Variants in RGS6 observed in about 807,000 individuals in gnomAD.
RGS6 encodes regulator of G protein signaling 6.
A neutral mutation model predicts 78.5 loss-of-function variants in RGS6; 30 were observed. The observed-to-expected ratio is 0.38, with a 90% CI of 0.29 to 0.52. The LOEUF is 0.52. Among genes scored for constraint, RGS6 ranks in the 20% least tolerant of loss-of-function variants. RGS6 has a pLI of 0.85. For missense variants in RGS6, 495 were observed against 609.7 expected (o/e 0.81, Z 1.98); for synonymous variants, 206 against 206.0 (o/e 1.00, Z 0.00).
intron 2 of RGS6, among the ~76,000 whole-genome samples, chr14:72,055,009 C>G (rs1345852947): frequency 6.6e-6 from 1 of 152,172 alleles, no homozygotes; most frequent in African/African-American, 2.4e-5. Context: ...ATAGGTTATA[C>G]TATGATTTAT....
intron 2 of RGS6, among the ~76,000 whole-genome samples, chr14:72,320,479 G>A (rs1277854232): frequency 2.6e-5 from 4 of 152,142 alleles, no homozygotes; most frequent in Admixed American, 1.3e-4. Flanking sequence ...TTGGGAGGCT[G>A]AGGCAGGAGA....
At chr14:71,872,522 G>A in the RGS6 span, among the ~76,000 whole-genome samples, 13 of 152,274 alleles carry the variant, frequency 8.5e-5, no homozygotes, top group East Asian at 3.9e-4. Context: ...ACTCCTTAAA[G>A]AGAATGTTAA....
At chr14:72,170,662 AAT>A (rs1170835511) in intron 2 of RGS6, among the ~76,000 whole-genome samples, 1 of 152,252 alleles carries the variant, frequency 6.6e-6, no homozygotes, top group Admixed American at 6.5e-5. Flanking sequence ...GAATGATAAA[AAT>A]ATCTTTTTGT....
chr14:71,911,627 T>C, the RGS6 span, among the ~76,000 whole-genome samples: 1 of 152,228 alleles, frequency 6.6e-6, no homozygotes, highest in Admixed American at 6.5e-5. Flanking sequence ...TACTGATTAA[T>C]CTGTGCTAGT....
At chr14:71,902,220 A>G in the RGS6 span, among the ~76,000 whole-genome samples, 1 of 152,182 alleles carries the variant, frequency 6.6e-6, no homozygotes, top group African/African-American at 2.4e-5. Context: ...ACTTGCATTT[A>G]AAAAAATATA....
At chr14:72,626,433 C>A in the RGS6 span, among the ~76,000 whole-genome samples, 1 of 152,114 alleles carries the variant, frequency 6.6e-6, no homozygotes, top group African/African-American at 2.4e-5. Flanking sequence ...GGTCAGCATA[C>A]TATAGATATT....
At chr14:72,068,626 A>G (rs1032941538) in intron 2 of RGS6, among the ~76,000 whole-genome samples, 1 of 150,630 alleles carries the variant, frequency 6.6e-6, no homozygotes, top group Non-Finnish European at 1.5e-5. Flanking sequence ...CCTCCTGAGT[A>G]GCTGGGATTA....
intron 2 of RGS6, among the ~76,000 whole-genome samples, chr14:72,141,396 G>A (rs778454758): frequency 2.7e-4 from 41 of 152,140 alleles, no homozygotes; most frequent in Non-Finnish European, 5.3e-4. Context: ...CAGACTCTTC[G>A]TGTTGCTGAA....
chr14:72,452,030 A>G, intron 3 of RGS6, among the ~76,000 whole-genome samples: 1 of 152,194 alleles, frequency 6.6e-6, no homozygotes, highest in East Asian at 1.9e-4. Context: ...GATTATAGGC[A>G]TGAGCCACTG....
intron 2 of RGS6, among the ~76,000 whole-genome samples, chr14:72,289,048 T>C (rs763388974): frequency 1.3e-5 from 2 of 152,148 alleles, no homozygotes; most frequent in Non-Finnish European, 2.9e-5. Flanking sequence ...ACAATGCATA[T>C]ACAACATGTC....
At chr14:72,269,303 C>A (rs1745707694) in intron 2 of RGS6, among the ~76,000 whole-genome samples, 1 of 152,196 alleles carries the variant, frequency 6.6e-6, no homozygotes, top group South Asian at 2.1e-4. Flanking sequence ...ATTCTTTGGG[C>A]AATCCCATTG....
intron 3 of RGS6, among the ~76,000 whole-genome samples, chr14:72,387,882 T>A (rs533764429): frequency 1.3e-5 from 2 of 152,340 alleles, no homozygotes; most frequent in African/African-American, 4.8e-5. Flanking sequence ...CTTCTCTCCT[T>A]GGCTTGTAGA....
At chr14:72,328,320 A>G (rs1401246834) in intron 2 of RGS6, among the ~76,000 whole-genome samples, 2 of 152,230 alleles carry the variant, frequency 1.3e-5, no homozygotes, top group Non-Finnish European at 2.9e-5. Flanking sequence ...AAGTTGACAC[A>G]TAAAATTAAC....
chr14:72,521,680 C>T, intron 15 of RGS6, among the ~76,000 whole-genome samples: 1 of 152,184 alleles, frequency 6.6e-6, no homozygotes, highest in East Asian at 1.9e-4. Flanking sequence ...TTTCCTATTG[C>T]TTCTGAAGTG....
intron 2 of RGS6, among the ~76,000 whole-genome samples, chr14:72,341,751 A>G (rs1016954980): frequency 1.3e-5 from 2 of 152,164 alleles, no homozygotes; most frequent in Non-Finnish European, 2.9e-5. Context: ...TTCACCAAAG[A>G]GATAATTTAC....
chr14:72,621,220 T>A, the RGS6 span, among the ~76,000 whole-genome samples: 1 of 152,196 alleles, frequency 6.6e-6, no homozygotes, highest in Non-Finnish European at 1.5e-5. Flanking sequence ...TTCCACCCTT[T>A]ATCCCCTTTA....
chr14:72,131,692 T>C (rs932053284), intron 2 of RGS6, among the ~76,000 whole-genome samples: 5 of 152,238 alleles, frequency 3.3e-5, no homozygotes, highest in African/African-American at 1.2e-4. Context: ...ATAGACTGAA[T>C]AATTCAAGGG....
At chr14:72,506,626 A>C (rs905190453) in intron 13 of RGS6, among the ~76,000 whole-genome samples, 1 of 152,238 alleles carries the variant, frequency 6.6e-6, no homozygotes, top group Non-Finnish European at 1.5e-5. Context: ...TAGGAAAATA[A>C]GGAAGAAATG....
chr14:72,604,001 T>C, the RGS6 span, among the ~76,000 whole-genome samples: 2 of 152,170 alleles, frequency 1.3e-5, no homozygotes, highest in Admixed American at 6.5e-5. Context: ...AGTAATAGTA[T>C]AGTTTAACAG....
Sources: allele counts gnomAD v4.1 joint callset (sites outside exome capture counted in the v4.1 genomes callset), GRCh38; gene constraint gnomAD v4.1.1; transcripts MANE v1.5; gene names NCBI Gene and HGNC (gene_info 2026-07-23, HGNC 2026-07-21).